Variants in ATM observed in about 807,000 individuals in gnomAD.
ATM encodes serine-protein kinase ATM.
In ATM, 308 loss-of-function variants were observed where a neutral mutation model predicts 387.0. That is an observed-to-expected ratio of 0.80 (90% CI 0.73 to 0.87). The LOEUF is 0.87. ATM is among the 40% of genes least tolerant of loss of function. ATM has a pLI of 0.00. For synonymous variants in ATM, 1,156 were observed against 1,187.3 expected (o/e 0.97, Z 0.54); for missense variants, 3,312 against 3,560.9 (o/e 0.93, Z 1.78).
intron 61 of ATM, 198 bp downstream of exon 61, chr11:108,355,072 T>A: frequency 1.7e-6 from 1 of 583,038 alleles, no homozygotes; most frequent in South Asian, 2.1e-5. Context: ...TTCAGCCCCC[T>A]TGAGTTTCTT....
chr11:108,294,411 T>TG (rs1489325679), intron 31 of ATM, among the ~76,000 whole-genome samples: 4 of 152,158 alleles, frequency 2.6e-5, no homozygotes, highest in African/African-American at 9.7e-5. Context: ...ATAACAATCT[T>TG]GAAGTCTGTG....
At chr11:108,363,499 G>T (rs1029150584) in intron 61 of ATM, among the ~76,000 whole-genome samples, 1 of 152,164 alleles carries the variant, frequency 6.6e-6, no homozygotes, top group African/African-American at 2.4e-5. Context: ...TCCCCTAGAG[G>T]ACAGTTGGCA....
chr11:108,318,277 G>A (rs995796805), intron 43 of ATM, among the ~76,000 whole-genome samples: 1 of 151,822 alleles, frequency 6.6e-6, no homozygotes, highest in Non-Finnish European at 1.5e-5. Context: ...CAGGAGAATT[G>A]CTAGAACACG....
At chr11:108,328,908 T>C in intron 48 of ATM, 113 bp from the exon 49 acceptor site, 3 of 1,148,352 alleles carry the variant, frequency 2.6e-6, no homozygotes, top group Non-Finnish European at 3.8e-6. Context: ...ATAATTTAGC[T>C]AGCTTTTATA....
intron 4 of ATM, among the ~76,000 whole-genome samples, chr11:108,232,945 C>G (rs1031798486): frequency 6.6e-6 from 1 of 152,092 alleles, no homozygotes; most frequent in African/African-American, 2.4e-5. Context: ...TCACTGCAAC[C>G]TCCGCCTCCC....
intron 33 of ATM, among the ~76,000 whole-genome samples, 176 bp downstream of exon 33, chr11:108,297,558 G>A (rs572401186): frequency 1.3e-5 from 2 of 152,156 alleles, no homozygotes. Context: ...CTAGGTTTGT[G>A]TAAGTATATT....
intron 53 of ATM, among the ~76,000 whole-genome samples, chr11:108,333,180 G>C (rs1387212046): frequency 6.6e-6 from 1 of 152,132 alleles, no homozygotes; most frequent in Non-Finnish European, 1.5e-5. Flanking sequence ...ATAGAGGCAA[G>C]TCTATTAAAA....
chr11:108,326,277 A>G (rs752506438), intron 47 of ATM, 52 bp downstream of exon 47: 2 of 1,596,120 alleles, frequency 1.3e-6, no homozygotes, highest in African/African-American at 1.3e-5. Flanking sequence ...TTAAAAAAAC[A>G]CAAATGTACT....
At chr11:108,334,861 G>A (rs905136083) in intron 54 of ATM, 108 bp from the exon 55 acceptor site, 33 of 1,334,066 alleles carry the variant, frequency 2.5e-5, no homozygotes, top group Admixed American at 1.5e-4. Flanking sequence ...CTATCACATC[G>A]TCATTTGTTT....
At chr11:108,236,975 CT>C (rs959094496) in intron 5 of ATM, among the ~76,000 whole-genome samples, 45 of 147,946 alleles carry the variant, frequency 3.0e-4, no homozygotes, top group African/African-American at 9.7e-4. Flanking sequence ...AGTTTAGAAG[CT>C]TTTTTTTTTC....
chr11:108,329,407 T>G (rs746817871), intron 49 of ATM, 169 bp downstream of exon 49: 23 of 662,506 alleles, frequency 3.5e-5, no homozygotes, highest in Non-Finnish European at 5.1e-5. Context: ...TCGGTTTTTG[T>G]TTTTTGTTTT....
chr11:108,318,456 G>A (rs2084940250), intron 43 of ATM, among the ~76,000 whole-genome samples: 1 of 152,068 alleles, frequency 6.6e-6, no homozygotes. Flanking sequence ...TTGGAGAGCT[G>A]AGGCAGATGG....
chr11:108,352,928 T>TG (rs1479191024), intron 59 of ATM, among the ~76,000 whole-genome samples: 1 of 152,042 alleles, frequency 6.6e-6, no homozygotes, highest in Non-Finnish European at 1.5e-5. Flanking sequence ...GTCAGAGGGC[T>TG]GGGTGATAGG....
chr11:108,275,712 G>A (rs1014441480), intron 22 of ATM, among the ~76,000 whole-genome samples: 33 of 152,300 alleles, frequency 2.2e-4, no homozygotes, highest in African/African-American at 7.7e-4. Flanking sequence ...TGGCTTGTAA[G>A]GTTTCTGCCG....
At chr11:108,293,530 T>G (rs2082931318) in intron 31 of ATM, 53 bp downstream of exon 31, 2 of 1,474,124 alleles carry the variant, frequency 1.4e-6, no homozygotes, top group Non-Finnish European at 1.9e-6. Context: ...TAGTAGTACT[T>G]TTCAAAAATC....
Position 108,367,521 on chromosome 11 carries a change from C to T in ATM, c.*2013C>T, listed in dbSNP as rs770124832. On this transcript the variant is annotated 3_prime_UTR_variant, in exon 63 of 63. Coordinates refer to ENST00000675843, the MANE Select transcript of ATM (RefSeq NM_000051.4). ...CCACCTGAAAGTAAAACTACTGACT[C>T]GTGTATTAGTGAGTATAATCTCTTC... 2.4e-5 allele frequency: 5 copies of T among 204,742 alleles called. No homozygotes were observed. Among genetic ancestry groups the T allele is most frequent in the Non-Finnish European group, 5.0e-5 (5 of 100,118 alleles). The allele number at this position is 204,742 out of a possible 1,614,324, so 12.7% of individuals were successfully genotyped here. A position where few individuals can be genotyped will look rare whatever the true frequency, so the allele number is the denominator to read the frequency against.
chr11:108,315,955 T>A, intron 41 of ATM, 44 bp downstream of exon 41: 1 of 1,607,596 alleles, frequency 6.2e-7, no homozygotes, highest in Non-Finnish European at 8.5e-7. Flanking sequence ...ATTCTGTTTA[T>A]GAAGGAGTTA....
At position 108,276,699 on chromosome 11, in the gene ATM, G is replaced by C. The variant is rs558900980; in HGVS notation, c.3285-2792G>C. On this transcript the variant is annotated intron_variant, in intron 22 of 62. Transcript: ENST00000675843. ...CTGGGTATCATCCATGGAGGCTGCA[G>C]AACAGCAAAGATTGCTGCCTGTTCC... Among the ~76,000 whole-genome samples, 266 of 152,308 alleles carry C rather than the reference G, an allele frequency of 1.7e-3. 1 individual carries two copies. The highest frequency in any genetic ancestry group is 6.8e-3 in the Middle Eastern group (2 of 294).
At chr11:108,241,022 A>C (rs2079529287) in intron 5 of ATM, among the ~76,000 whole-genome samples, 1 of 152,136 alleles carries the variant, frequency 6.6e-6, no homozygotes, top group Non-Finnish European at 1.5e-5. Flanking sequence ...TTGTTCTATA[A>C]GCTTTTTAAA....
Sources: gnomAD v4.1 joint callset for allele counts (sites outside exome capture counted in the v4.1 genomes callset) on GRCh38, gnomAD v4.1.1 for gene constraint, MANE v1.5 for transcripts, NCBI Gene and HGNC (gene_info 2026-07-23, HGNC 2026-07-21) for gene names.